Variants in C2orf49 observed in about 807,000 individuals in gnomAD.
The protein encoded by C2orf49 is tRNA-splicing ligase complex subunit ASW.
Under a neutral mutation model 20.6 loss-of-function variants are expected in C2orf49, and 11 were observed. The observed-to-expected ratio is 0.53, with a 90% CI of 0.34 to 0.88. The LOEUF (loss-of-function observed/expected upper bound fraction) is 0.88, where lower values mean the gene tolerates loss of function less well. Ranked by LOEUF, C2orf49 falls within the 40% of genes least tolerant of loss-of-function variation. The probability of loss-of-function intolerance (pLI) is 0.02; values close to 1 mark genes in which losing one functional copy is unlikely to be tolerated. For missense variants in C2orf49, 289 were observed against 274.2 expected (o/e 1.05, Z -0.38); for synonymous variants, 134 against 108.5 (o/e 1.24, Z -1.46).
At chr2:105,367,551 A>G in the C2orf49 span, 1 of 1,602,842 alleles carries the variant, frequency 6.2e-7, no homozygotes. Flanking sequence ...TGCAAGGGCC[A>G]AGGGGGCATC....
the C2orf49 span, chr2:105,373,971 T>C: frequency 2.2e-5 from 12 of 553,882 alleles, no homozygotes; most frequent in Admixed American, 2.2e-4. Context: ...TGTATGCACA[T>C]GTCTGTGTGT....
At chr2:105,353,082 G>A (rs1346000432), downstream of C2orf49, among the ~76,000 whole-genome samples, 4 of 152,176 alleles carry the variant, frequency 2.6e-5, no homozygotes, top group East Asian at 7.7e-4. Context: ...AGGCAGAAAG[G>A]CAGCAGCGAG....
chr2:105,341,604 G>T (rs1443505219), intron 2 of C2orf49, among the ~76,000 whole-genome samples: 1 of 152,188 alleles, frequency 6.6e-6, no homozygotes, highest in Non-Finnish European at 1.5e-5. Context: ...AAGGCAGTGG[G>T]TATACAGTGA....
At chr2:105,351,619 C>T (rs1258466686), downstream of C2orf49, among the ~76,000 whole-genome samples, 1 of 152,168 alleles carries the variant, frequency 6.6e-6, no homozygotes, top group Non-Finnish European at 1.5e-5. Context: ...TCAGTTCGCT[C>T]CCGTTTCCCT....
chr2:105,354,653 C>G, the C2orf49 span, among the ~76,000 whole-genome samples: 4 of 137,046 alleles, frequency 2.9e-5, no homozygotes, highest in African/African-American at 1.1e-4. Flanking sequence ...GCGACAACAG[C>G]AAAACTCCAT....
chr2:105,377,318 C>T, the C2orf49 span, among the ~76,000 whole-genome samples: 20 of 152,120 alleles, frequency 1.3e-4, no homozygotes, highest in Non-Finnish European at 1.5e-4. Context: ...GTGTATTTTA[C>T]CATAATTAAA....
chr2:105,359,079 G>T, the C2orf49 span: 1 of 152,122 alleles, frequency 6.6e-6, no homozygotes, highest in Non-Finnish European at 1.5e-5. Context: ...TCCAATATCT[G>T]CCTGCTTTGG....
chr2:105,370,862 C>T, the C2orf49 span, among the ~76,000 whole-genome samples: 31 of 152,108 alleles, frequency 2.0e-4, no homozygotes, highest in African/African-American at 6.8e-4. Context: ...CAGGGAACAC[C>T]GAAGATTCAA....
At chr2:105,359,690 A>G in the C2orf49 span, 1 of 152,194 alleles carries the variant, frequency 6.6e-6, no homozygotes, top group Non-Finnish European at 1.5e-5. Context: ...GTAGCTCAGA[A>G]TGTTATTTTT....
chr2:105,377,838 A>T, the C2orf49 span: 10 of 347,572 alleles, frequency 2.9e-5, no homozygotes, highest in East Asian at 2.3e-4. Context: ...GGGAGAGGGG[A>T]GGAGATCCTT....
chr2:105,357,064 C>T, the C2orf49 span, among the ~76,000 whole-genome samples: 3 of 152,336 alleles, frequency 2.0e-5, no homozygotes, highest in African/African-American at 4.8e-5. Flanking sequence ...TCTCTCACCT[C>T]AGCCTCCTGA....
intron 2 of C2orf49, among the ~76,000 whole-genome samples, chr2:105,341,138 A>G (rs556041020): frequency 9.9e-4 from 151 of 152,342 alleles, no homozygotes; most frequent in African/African-American, 3.4e-3. Context: ...TTTCATAAAT[A>G]TGGGTTACAC....
chr2:105,344,736 C>T (rs1200782380), intron 3 of C2orf49, among the ~76,000 whole-genome samples: 2 of 150,952 alleles, frequency 1.3e-5, no homozygotes, highest in Admixed American at 6.6e-5. Flanking sequence ...CCTGCCACCA[C>T]ACCCAGCTAA....
the C2orf49 span, among the ~76,000 whole-genome samples, chr2:105,377,342 A>G: frequency 5.3e-5 from 8 of 152,316 alleles, no homozygotes; most frequent in South Asian, 8.3e-4. Context: ...ATAAAAAAGT[A>G]AGTTTTGGCC....
At chr2:105,356,971 A>G in the C2orf49 span, among the ~76,000 whole-genome samples, 7 of 151,954 alleles carry the variant, frequency 4.6e-5, no homozygotes, top group African/African-American at 1.2e-4. Flanking sequence ...AGGTCTCACT[A>G]TGTTGTACAG....
At chr2:105,361,700 G>A in the C2orf49 span, among the ~76,000 whole-genome samples, 13 of 152,188 alleles carry the variant, frequency 8.5e-5, no homozygotes, top group Non-Finnish European at 1.5e-4. Context: ...CTGTGTATTT[G>A]TTATGTGTTT....
intron 3 of C2orf49, among the ~76,000 whole-genome samples, chr2:105,344,668 C>T (rs1334239286): frequency 2.0e-5 from 3 of 152,030 alleles, no homozygotes; most frequent in Non-Finnish European, 4.4e-5. Flanking sequence ...CAACCTCCGC[C>T]TCCCAGGTTC....
chr2:105,369,459 G>A, the C2orf49 span, among the ~76,000 whole-genome samples: 2 of 152,270 alleles, frequency 1.3e-5, no homozygotes, highest in South Asian at 4.1e-4. Context: ...GTACTTCCAA[G>A]ACCAGACATT....
chr2:105,345,214 A>G lies in C2orf49; in HGVS notation c.643-101A>G, dbSNP rs948006742. On this transcript the variant is annotated intron_variant, in intron 3 of 3. Transcript: ENST00000258457. ...CACCAGATGGCAGCAGTGATCTTCC[A>G]TTAATACATTAATAGTAAACCTTGG... 59 of 1,020,014 alleles carry G rather than the reference A, an allele frequency of 5.8e-5. No individual in the cohort carries two copies. The African/African-American group carries it at 8.8e-4, about 15-fold the overall frequency. The allele number at this position is 1,020,014 out of a possible 1,614,324, so 63.2% of individuals were successfully genotyped here. A position where few individuals can be genotyped will look rare whatever the true frequency, so the allele number is the denominator to read the frequency against.
Sources: gnomAD v4.1 joint callset for allele counts (sites outside exome capture counted in the v4.1 genomes callset) on GRCh38, gnomAD v4.1.1 for gene constraint, MANE v1.5 for transcripts, NCBI Gene and HGNC (gene_info 2026-07-23, HGNC 2026-07-21) for gene names.